The following SHH variants were observed in gnomAD, a reference collection of about 807,000 sequenced individuals.
SHH encodes sonic hedgehog signaling molecule, also known as sonic hedgehog protein.
SHH carries 3 observed loss-of-function variants against 16.6 expected under a neutral mutation model. The ratio of observed to expected loss-of-function variants is 0.18; its 90% CI spans 0.08 to 0.47. The LOEUF (loss-of-function observed/expected upper bound fraction) is 0.47. Among genes scored for constraint, SHH ranks in the 20% least tolerant of loss-of-function variants. The pLI is 0.98. For synonymous variants in SHH, 351 were observed against 316.2 expected (o/e 1.11, Z -1.17); for missense variants, 499 against 665.0 (o/e 0.75, Z 2.75).
chr7:155,805,515 G>T (rs1032518599), intron 2 of SHH, among the ~76,000 whole-genome samples: 2 of 152,256 alleles, frequency 1.3e-5, no homozygotes, highest in Non-Finnish European at 2.9e-5. Flanking sequence ...TTTGCTAAAC[G>T]TGCCAATTTA....
At chr7:155,808,902 C>G (rs1429110655) in intron 1 of SHH, 2 of 152,260 alleles carry the variant, frequency 1.3e-5, no homozygotes, top group African/African-American at 4.8e-5. Flanking sequence ...GGGGGCGTCC[C>G]AGCTTCAAGA....
At chr7:155,811,687 A>C in intron 1 of SHH, 136 bp downstream of exon 1, 1 of 848,688 alleles carries the variant, frequency 1.2e-6, no homozygotes, top group South Asian at 1.3e-5. Context: ...GGGGGCGGGC[A>C]GGTGGGTGGG....
chr7:155,810,287 C>A (rs756287283), intron 1 of SHH, among the ~76,000 whole-genome samples: 8 of 152,214 alleles, frequency 5.3e-5, no homozygotes, highest in African/African-American at 9.6e-5. Flanking sequence ...CAGAAGCTGA[C>A]CCACTCTGGC....
Position 155,809,521 on chromosome 7 carries a change from G to T in SHH, c.300+2302C>A, listed in dbSNP as rs1426275461. Among the ~76,000 whole-genome samples the T allele has an allele frequency of 6.6e-6, 1 of 151,892 alleles. No homozygotes were observed. The highest frequency in any genetic ancestry group is 2.0e-4 in the East Asian group (1 of 5,126). On this transcript the variant is annotated intron_variant, in intron 1 of 2. Coordinates refer to ENST00000297261, the MANE Select transcript of SHH (RefSeq NM_000193.4). The surrounding 1 kb of genome is among the most constrained non-coding windows in gnomAD (Gnocchi z 6.1). The stretch of plus-strand genomic sequence containing the variant: ...ATCGGGAGAAGGAAGGTAGGGGAGG[G>T]ATCAACCGGGGATACCTCACAGACT...
chr7:155,804,678 C>T (rs1563199919), intron 2 of SHH, among the ~76,000 whole-genome samples: 1 of 151,922 alleles, frequency 6.6e-6, no homozygotes, highest in African/African-American at 2.4e-5. Flanking sequence ...CTGGAAGCGC[C>T]GGGTCTCAAG....
chr7:155,800,897 C>CGAG lies in SHH; in HGVS notation c.*2002_*2003insCTC. ...CTCCTGTTCCCTAAGCCTGGACCAC[C>CGAG]TTCTACACAGGCTGCAGCTGCTGGG... is the stretch of plus-strand genomic sequence containing the variant. On this transcript the variant is annotated 3_prime_UTR_variant, in exon 3 of 3. Coordinates refer to ENST00000297261, the MANE Select transcript of SHH (RefSeq NM_000193.4). 5 of 281,024 alleles carry CGAG rather than the reference C, an allele frequency of 1.8e-5. No homozygotes were observed. Among genetic ancestry groups the CGAG allele is most frequent in the Admixed American group, 4.4e-5 (1 of 22,766 alleles). The allele number at this position is 281,024 out of a possible 1,614,324, so 17.4% of individuals were successfully genotyped here. A position where few individuals can be genotyped will look rare whatever the true frequency, so the allele number is the denominator to read the frequency against.
intron 2 of SHH, among the ~76,000 whole-genome samples, 157 bp downstream of exon 2, chr7:155,806,139 C>T (rs1412134756): frequency 6.6e-6 from 1 of 152,220 alleles, no homozygotes; most frequent in Non-Finnish European, 1.5e-5. Context: ...GGGGCCGGCA[C>T]CTCACAGGGC....
At position 155,803,415 on chromosome 7, in the gene SHH, C is replaced by T. The variant is rs908886937; in HGVS notation, c.874G>A (p.Gly292Arg). ...CCCAGTGCGCCCCCGGAAGGCGGCC[C>T]CGAGCCCGAGGACGCCTCGGGCTCC... ...TGEPEASSGS[G>R]PPSGGALGPR... The change falls in exon 3 of 3, where the codon GGG becomes AGG. Residue 292 changes from glycine (G) to arginine (R), a missense_variant. Gly to Arg is a moderately radical substitution (Grantham distance 125). Transcript: ENST00000297261. 9.2e-6 allele frequency: 14 copies of T among 1,526,218 alleles called. No individual in the cohort carries two copies. The highest frequency in any genetic ancestry group is 4.0e-5 in the Admixed American group (2 of 50,348). 94.5% of individuals were successfully genotyped at this position (1,526,218 alleles called of 1,614,324 possible). A position where few individuals can be genotyped will look rare whatever the true frequency, so the allele number is the denominator to read the frequency against.
rs1803206108 is a variant in SHH at position 155,802,429 on chromosome 7, C to CG, written c.*470dup. ...AGCAGGAGATGGAAGGGAGGGATGGCGGGGACAGAGGTTTGCTTTCTGACA... is the reference window on the plus strand; with the variant it reads ...AGCAGGAGATGGAAGGGAGGGATGGCGGGGGACAGAGGTTTGCTTTCTGACA... On this transcript the variant is annotated 3_prime_UTR_variant, in exon 3 of 3. Transcript: ENST00000297261. The CG allele has an allele frequency of 6.6e-6, 1 of 152,548 alleles. No individual in the cohort carries two copies. The highest frequency in any genetic ancestry group is 2.4e-5 in the African/African-American group (1 of 41,416). 9.4% of individuals were successfully genotyped at this position (152,548 alleles called of 1,614,324 possible).
In SHH at chr7:155,806,612, C is replaced by A. The variant is rs937620677; in HGVS notation, c.301-55G>T. The A allele has an allele frequency of 2.0e-5, 32 of 1,601,930 alleles. No individual in the cohort carries two copies. In the African/African-American group the frequency reaches 4.1e-4, roughly 21 times the overall value. On this transcript the variant is annotated intron_variant, in intron 1 of 2. Transcript: ENST00000297261. ...GACACGTTAGCCTGGGCAACCGCCACCCCTCCCGGCCCCTCCATCAGCCTG... is the reference window on the plus strand; with the variant it reads ...GACACGTTAGCCTGGGCAACCGCCAACCCTCCCGGCCCCTCCATCAGCCTG...
At chr7:155,811,668 G>T (rs1181675067) in intron 1 of SHH, among the ~76,000 whole-genome samples, 155 bp downstream of exon 1, 1 of 150,926 alleles carries the variant, frequency 6.6e-6, no homozygotes, top group Non-Finnish European at 1.5e-5. Flanking sequence ...CCAGGAAGAG[G>T]AAGAGATGGG....
At position 155,804,018 on chromosome 7, in the gene SHH, C is replaced by T. The variant is rs996101153; in HGVS notation, c.563-292G>A. Among the ~76,000 whole-genome samples the T allele has an allele frequency of 4.3e-4, 65 of 152,240 alleles. 1 individual carries two copies. The highest frequency in any genetic ancestry group is 1.6e-3 in the African/African-American group (65 of 41,468). On this transcript the variant is annotated intron_variant, in intron 2 of 2. Coordinates refer to ENST00000297261, the MANE Select transcript of SHH (RefSeq NM_000193.4). Reference sequence around the variant, plus strand: ...CAGAGGCCGGTGACACTCTTTCCTTCCGCCTTCCTCCAACCCCACCCCCAG... The same window carrying T: ...CAGAGGCCGGTGACACTCTTTCCTTTCGCCTTCCTCCAACCCCACCCCCAG...
chr7:155,805,257 C>T (rs1469103092), intron 2 of SHH, among the ~76,000 whole-genome samples: 2 of 151,986 alleles, frequency 1.3e-5, no homozygotes, highest in Non-Finnish European at 2.9e-5. Flanking sequence ...GTGGGGGCGC[C>T]GCCTCCTGCC....
At position 155,803,426 on chromosome 7, in the gene SHH, G is replaced by A. The variant is rs773945644; in HGVS notation, c.863C>T (p.Ser288Phe). 6.5e-7 allele frequency: 1 copy of A among 1,531,400 alleles called. No individual in the cohort carries two copies. Among genetic ancestry groups the A allele is most frequent in the South Asian group, 1.2e-5 (1 of 83,478 alleles). 94.9% of individuals were successfully genotyped at this position (1,531,400 alleles called of 1,614,324 possible). ...CCCGGAAGGCGGCCCCGAGCCCGAG[G>A]ACGCCTCGGGCTCCCCGGTGGCCGA... ...NDSATGEPEA[S>F]SGSGPPSGGA... Residue 288 changes from serine to phenylalanine, a missense_variant, in exon 3 of 3, where the codon TCC becomes TTC. This residue lies in a region of SHH where 299 missense variants were observed against 301.1 expected (regional missense o/e 0.99). Coordinates refer to ENST00000297261, the MANE Select transcript of SHH (RefSeq NM_000193.4).
At position 155,803,507 on chromosome 7, in the gene SHH, C is replaced by T. The variant is rs761875928; in HGVS notation, c.782G>A (p.Arg261His). Reference sequence around the variant, plus strand: ...CGCGGCGGTGAGCAGCAGGCGCTCGCGCGGCTCCCGCGTCTCGATCACGTA... The same window carrying T: ...CGCGGCGGTGAGCAGCAGGCGCTCGTGCGGCTCCCGCGTCTCGATCACGTA... Reference protein sequence around the residue: ...VFYVIETREPRERLLLTAAHL... With the variant: ...VFYVIETREPHERLLLTAAHL... Residue 261 changes from arginine to histidine, a missense_variant, in exon 3 of 3, where the codon CGC (arginine) becomes CAC (histidine). Around this residue, in one of 4 missense-constraint regions of SHH, gnomAD observed 114 missense variants for 200.4 expected, o/e 0.57. Transcript: ENST00000297261. 1.3e-6 allele frequency: 2 copies of T among 1,577,126 alleles called. No homozygotes were observed. Among genetic ancestry groups the T allele is most frequent in the South Asian group, 2.3e-5 (2 of 87,900 alleles).
rs751517695 is a variant in SHH at position 155,806,248 on chromosome 7, G to A, written c.562+48C>T. ...TTTCTCTTGAATCAAGCCGAGGTGC[G>A]CCAATGGCCTTCCTTGGGTCGGATC... On this transcript the variant is annotated intron_variant, in intron 2 of 2. Coordinates refer to ENST00000297261, the MANE Select transcript of SHH (RefSeq NM_000193.4). The A allele has an allele frequency of 9.9e-6, 16 of 1,610,734 alleles. No individual in the cohort carries two copies. In the South Asian group the frequency reaches 1.8e-4, roughly 18 times the overall value.
chr7:155,811,812 T>G lies in SHH; in HGVS notation c.300+11A>C. On this transcript the variant is annotated intron_variant, in intron 1 of 2. Coordinates refer to ENST00000297261, the MANE Select transcript of SHH (RefSeq NM_000193.4). ...AGCCACACATTCCACGCCCCGGCGC[T>G]GGGTTCCTACCTGAGTCATCAGCCT... 1 of 1,614,074 alleles carries G rather than the reference T, an allele frequency of 6.2e-7. No individual in the cohort carries two copies.
rs574899320 is a variant in SHH, at chr7:155,800,178, C to T, written c.*2722G>A. 3.8e-5 allele frequency: 18 copies of T among 471,242 alleles called. No homozygotes were observed. In the East Asian group the frequency reaches 6.3e-4, roughly 16 times the overall value. 29.2% of individuals were successfully genotyped at this position (471,242 alleles called of 1,614,324 possible). A position where few individuals can be genotyped will look rare whatever the true frequency, so the allele number is the denominator to read the frequency against. On this transcript the variant is annotated 3_prime_UTR_variant, in exon 3 of 3. Coordinates refer to ENST00000297261, the MANE Select transcript of SHH (RefSeq NM_000193.4). ...ATGAGAAGTCGGCGCCTCGTCCTGG[C>T]GGGGCTGGGCTGCACCCTCTTGATG... is the stretch of plus-strand genomic sequence containing the variant.
chr7:155,810,434 G>A (rs1367944380), intron 1 of SHH, among the ~76,000 whole-genome samples: 1 of 152,244 alleles, frequency 6.6e-6, no homozygotes, highest in African/African-American at 2.4e-5. Flanking sequence ...CGGGCTAGCC[G>A]GAGAACTCCC....
Sources: allele counts gnomAD v4.1 joint callset (sites outside exome capture counted in the v4.1 genomes callset), GRCh38; gene constraint gnomAD v4.1.1; regional missense constraint gnomAD v4.1.1; non-coding constraint Gnocchi (gnomAD v3.1); transcripts MANE v1.5; gene names NCBI Gene and HGNC (gene_info 2026-07-23, HGNC 2026-07-21).